The following CIAO3 variants were observed in gnomAD, a reference collection of about 807,000 sequenced individuals.
CIAO3 encodes cytosolic iron-sulfur assembly component 3.
Under a neutral mutation model 51.5 loss-of-function variants are expected in CIAO3, and 45 were observed. The ratio of observed to expected loss-of-function variants is 0.87; its 90% CI spans 0.69 to 1.12. The LOEUF is 1.12. Ranked by LOEUF, CIAO3 falls within the 50% of genes most tolerant of loss-of-function variation. The pLI is 0.00. For synonymous variants in CIAO3, 314 were observed against 269.3 expected (o/e 1.17, Z -1.63); for missense variants, 668 against 632.5 (o/e 1.06, Z -0.60).
Position 733,342 on chromosome 16 carries a change from T to A in CIAO3, c.779A>T (p.Asn260Ile), listed in dbSNP as rs780933349. The change falls in exon 7 of 11, where the codon AAC becomes ATC. Residue 260 changes from asparagine to isoleucine, a missense_variant. Coordinates refer to ENST00000251588, the MANE Select transcript of CIAO3 (RefSeq NM_022493.3). ...KLEASRPDFF[N>I]QEHQTRDVDC... ...CACATCCCGTGTCTGGTGCTCCTGG[T>A]TGAAAAAGTCGGGTCTGGAGGCTTC... is the stretch of plus-strand genomic sequence containing the variant. The A allele has an allele frequency of 1.2e-5, 19 of 1,613,718 alleles. No homozygotes were observed. The highest frequency in any genetic ancestry group is 1.5e-5 in the Non-Finnish European group (18 of 1,179,994).
rs188146969 is a variant in CIAO3, at chr16:730,298, G to A, written c.*119C>T. 2.5e-5 allele frequency: 26 copies of A among 1,033,466 alleles called. No homozygotes were observed. Among genetic ancestry groups the A allele is most frequent in the Admixed American group, 2.2e-4 (11 of 50,272 alleles). The allele number at this position is 1,033,466 out of a possible 1,614,324, so 64.0% of individuals were successfully genotyped here. A position where few individuals can be genotyped will look rare whatever the true frequency, so the allele number is the denominator to read the frequency against. ...TCCTGGCTAGTCCTAGCTCCTACTC[G>A]GGTCCCAGCACACCCTGCAGCTCAC... is the stretch of plus-strand genomic sequence containing the variant. On this transcript the variant is annotated 3_prime_UTR_variant, in exon 11 of 11. Transcript: ENST00000251588.
rs373584108 is a variant in CIAO3, at chr16:734,822, C to T, written c.489G>A (p.Leu163=). The change falls in exon 5 of 11, where the codon CTG becomes CTA. Residue 163 remains leucine (L), a synonymous_variant. Transcript: ENST00000251588. ...GCCGCACAAACTCTCGCTGGCTCTC[C>T]AGGAGGCTGAAGTGCCTTGAGAAGG... is the stretch of plus-strand genomic sequence containing the variant. ...DTAFSRHFSL[L]ESQREFVRRF... is the part of the protein sequence containing the mutation. 245 of 1,598,104 alleles carry T rather than the reference C, an allele frequency of 1.5e-4. No homozygotes were observed. In the Middle Eastern group the frequency reaches 2.2e-3, roughly 14 times the overall value.
intron 6 of CIAO3, 81 bp downstream of exon 6, chr16:734,147 CT>C (rs2151601815): frequency 1.7e-5 from 21 of 1,252,434 alleles, no homozygotes; most frequent in Non-Finnish European, 2.4e-5. Flanking sequence ...ACTCTGTTTC[CT>C]GCAGCCTCAT....
chr16:731,775 C>T (rs2041286028), intron 8 of CIAO3, 73 bp from the exon 9 acceptor site: 1 of 1,457,658 alleles, frequency 6.9e-7, no homozygotes, highest in Non-Finnish European at 9.0e-7. Context: ...GCCTCTGTCC[C>T]TCACACATGA....
intron 2 of CIAO3, among the ~76,000 whole-genome samples, chr16:738,934 G>A (rs1014917581): frequency 1.3e-5 from 2 of 148,162 alleles, no homozygotes; most frequent in African/African-American, 4.9e-5. Flanking sequence ...GTGAGCCACC[G>A]CGCCCAGCCT....
chr16:730,543 C>T lies in CIAO3; in HGVS notation c.1305G>A (p.Ala435=), dbSNP rs757807510. ...GTGTGTACAGCTCCTGAACCCCAGG[C>T]GCGTCCTCGGGCGCCTCAGCCCGGA... ...GMVRAEAPED[A]PGVQELYTHW... Residue 435 remains alanine, a synonymous_variant, in exon 11 of 11, where the codon GCG becomes GCA. Transcript: ENST00000251588. 2.8e-5 allele frequency: 45 copies of T among 1,610,958 alleles called. No homozygotes were observed. The highest frequency in any genetic ancestry group is 1.6e-4 in the Middle Eastern group (1 of 6,062).
chr16:731,691 G>C lies in CIAO3; in HGVS notation c.908C>G (p.Ala303Gly). The change falls in exon 9 of 11, where the codon GCC becomes GGC. Residue 303 changes from alanine (A) to glycine (G), a missense_variant. Transcript: ENST00000251588. ...ATGGCTGGTGGGCTCCTCTGCAGAG[G>C]CACCGCTGCACCTGGCAAGGAGGGA... Reference protein sequence around the residue: ...PAPLDSLCSGASAEEPTSHRG... With the variant: ...PAPLDSLCSGGSAEEPTSHRG... 1.3e-6 allele frequency: 2 copies of C among 1,553,774 alleles called. No homozygotes were observed. The highest frequency in any genetic ancestry group is 1.7e-6 in the Non-Finnish European group (2 of 1,151,400).
In CIAO3 at chr16:737,983, G is replaced by A. The variant is rs2041356162; in HGVS notation, c.163-654C>T. 20 of 1,160,142 alleles carry A rather than the reference G, an allele frequency of 1.7e-5. No homozygotes were observed. The highest frequency in any genetic ancestry group is 2.2e-5 in the Non-Finnish European group (20 of 929,886). 71.9% of individuals were successfully genotyped at this position (1,160,142 alleles called of 1,614,324 possible). ...GGGCCAGGGGTGCTGCAGTGGCCCG[G>A]AATACAGCCAGAGGAGTAAGGCGAC... On this transcript the variant is annotated intron_variant, in intron 2 of 10. Coordinates refer to ENST00000251588, the MANE Select transcript of CIAO3 (RefSeq NM_022493.3). This position sits in a 1 kb window ranked among gnomAD's most constrained non-coding sequence, Gnocchi z 5.3.
chr16:730,453 C>CACGGCGTGGT lies in CIAO3; in HGVS notation c.1385_1394dup (p.Glu466ProfsTer30), dbSNP rs1353068443. 1.2e-6 allele frequency: 2 copies of CACGGCGTGGT among 1,605,704 alleles called. No individual in the cohort carries two copies. The highest frequency in any genetic ancestry group is 1.7e-6 in the Non-Finnish European group (2 of 1,179,938). On this transcript the variant is annotated frameshift_variant, in exon 11 of 11. Transcript: ENST00000251588. LOFTEE classifies it high-confidence loss of function. ...TGCCCAGGCCAGTGCTGGCCTTCTC[C>CACGGCGTGGT]ACGGCGTGGTACTGCGTATGCAGCA... is the stretch of plus-strand genomic sequence containing the variant.
At chr16:738,232 G>A (rs1364337367) in intron 2 of CIAO3, 5 of 988,060 alleles carry the variant, frequency 5.1e-6, no homozygotes, top group South Asian at 4.6e-5. Context: ...GGTTCCCTTC[G>A]TTTGTGGGCT....
chr16:740,963 G>T lies in CIAO3; in HGVS notation c.23C>A (p.Ala8Glu). Residue 8 changes from alanine to glutamate, a missense_variant, in exon 1 of 11, where the codon GCG becomes GAG. Transcript: ENST00000251588. MASPFSG[A>E]LQLTDLDDFI... Reference sequence around the variant, plus strand: ...GTCATCCAGGTCCGTCAGCTGCAGCGCCCCGCTGAAGGGCGACGCCATGAC... The same window carrying T: ...GTCATCCAGGTCCGTCAGCTGCAGCTCCCCGCTGAAGGGCGACGCCATGAC... 1.3e-6 allele frequency: 2 copies of T among 1,517,034 alleles called. No individual in the cohort carries two copies. The highest frequency in any genetic ancestry group is 5.2e-5 in the East Asian group (2 of 38,402). The allele number at this position is 1,517,034 out of a possible 1,614,324, so 94.0% of individuals were successfully genotyped here. A position where few individuals can be genotyped will look rare whatever the true frequency, so the allele number is the denominator to read the frequency against.
At chr16:739,760 A>C (rs772229778) in intron 1 of CIAO3, 22 bp from the exon 2 acceptor site, 3 of 1,610,522 alleles carry the variant, frequency 1.9e-6, no homozygotes, top group African/African-American at 1.3e-5. Context: ...AGAGACCCCA[A>C]ATCAGCCCCT....
rs139968358 is a variant in CIAO3, at chr16:731,664, C to T, written c.935G>A (p.Arg312Gln). The stretch of plus-strand genomic sequence containing the variant: ...CAGGTAGCCCCCCGAGCCCCCTCCC[C>T]GATGGCTGGTGGGCTCCTCTGCAGA... ...GASAEEPTSH[R>Q]GGGSGGYLEH... The change falls in exon 9 of 11, where the codon CGG (arginine) becomes CAG (glutamine). Residue 312 changes from arginine (R) to glutamine (Q), a missense_variant. Arg to Gln is a conservative substitution (Grantham distance 43). Coordinates refer to ENST00000251588, the MANE Select transcript of CIAO3 (RefSeq NM_022493.3). 118 of 1,558,014 alleles carry T rather than the reference C, an allele frequency of 7.6e-5. No homozygotes were observed. Among genetic ancestry groups the T allele is most frequent in the Non-Finnish European group, 9.5e-5 (109 of 1,152,068 alleles).
chr16:735,980 C>T (rs2041333094), intron 4 of CIAO3, among the ~76,000 whole-genome samples: 2 of 152,144 alleles, frequency 1.3e-5, no homozygotes, highest in Admixed American at 6.5e-5. Flanking sequence ...CCAACAGAGC[C>T]CCGGAGAGAG....
intron 4 of CIAO3, chr16:735,234 C>A: frequency 4.3e-6 from 1 of 232,188 alleles, no homozygotes. Context: ...CACAGCTGGA[C>A]GCAGCCTGCT....
chr16:740,034 C>A (rs1334207069), intron 1 of CIAO3: 2 of 1,419,092 alleles, frequency 1.4e-6, no homozygotes, highest in Non-Finnish European at 1.9e-6. Flanking sequence ...TCACCCTTCA[C>A]GTGAACAGGG....
chr16:737,814 C>T lies in CIAO3; in HGVS notation c.163-485G>A, dbSNP rs1034446158. On this transcript the variant is annotated intron_variant, in intron 2 of 10. Transcript: ENST00000251588. The surrounding 1 kb of genome is among the most constrained non-coding windows in gnomAD (Gnocchi z 5.3). ...CTCCGGTGGGCGGGGCAGAAACAACCGTCAGACTCGCCAAACAGATGCAGG... is the reference window on the plus strand; with the variant it reads ...CTCCGGTGGGCGGGGCAGAAACAACTGTCAGACTCGCCAAACAGATGCAGG... The T allele has an allele frequency of 3.4e-5, 40 of 1,193,340 alleles. No individual in the cohort carries two copies. The Middle Eastern group carries it at 1.1e-3, about 34-fold the overall frequency. 73.9% of individuals were successfully genotyped at this position (1,193,340 alleles called of 1,614,324 possible). A position where few individuals can be genotyped will look rare whatever the true frequency, so the allele number is the denominator to read the frequency against.
chr16:730,618 G>A lies in CIAO3; in HGVS notation c.1230C>T (p.Asp410=), dbSNP rs1048485093. 1.2e-6 allele frequency: 2 copies of A among 1,610,256 alleles called. No individual in the cohort carries two copies. Among genetic ancestry groups the A allele is most frequent in the South Asian group, 1.1e-5 (1 of 91,082 alleles). The change falls in exon 11 of 11, where the codon GAC becomes GAT. Residue 410 remains aspartate (D), a synonymous_variant. Transcript: ENST00000251588. Reference sequence around the variant, plus strand: ...GCTGGAGGAGCTCTCTGCTGGGCCTGTCTGGGGCCTGGAGCTGGCCCCCGC... The same window carrying A: ...GCTGGAGGAGCTCTCTGCTGGGCCTATCTGGGGCCTGGAGCTGGCCCCCGC... ...LNGGGQLQAP[D]RPSRELLQHV...
At chr16:739,330 C>A in intron 2 of CIAO3, 1 of 367,182 alleles carries the variant, frequency 2.7e-6, no homozygotes, top group South Asian at 2.8e-5. Flanking sequence ...AACAAAAGAA[C>A]GAGGGGTCTG....
Sources: gnomAD v4.1 joint callset for allele counts (sites outside exome capture counted in the v4.1 genomes callset) on GRCh38, gnomAD v4.1.1 for gene constraint, Gnocchi (gnomAD v3.1) non-coding constraint, MANE v1.5 for transcripts, NCBI Gene and HGNC (gene_info 2026-07-23, HGNC 2026-07-21) for gene names.